Variants in MAN2A1 observed in about 807,000 individuals in gnomAD.
MAN2A1 encodes the protein mannosidase alpha class 2A member 1, also known as alpha-mannosidase 2.
Under a neutral mutation model 142.6 loss-of-function variants are expected in MAN2A1, and 76 were observed. That is an observed-to-expected ratio of 0.53 (90% CI 0.44 to 0.65). The LOEUF is 0.65. Ranked by LOEUF, MAN2A1 falls within the 30% of genes least tolerant of loss-of-function variation. MAN2A1 has a pLI of 0.00. For synonymous variants in MAN2A1, 559 were observed against 473.2 expected, an observed-to-expected ratio of 1.18 and a Z score of -2.35; for missense variants, 1,311 against 1,365.1, an observed-to-expected ratio of 0.96 and a Z score of 0.62.
At chr5:109,785,041 C>A in intron 10 of MAN2A1, 115 bp downstream of exon 10, 2 of 674,840 alleles carry the variant, frequency 3.0e-6, no homozygotes, top group Non-Finnish European at 4.8e-6. Flanking sequence ...CAATGATATC[C>A]CTCATAAGTA....
chr5:109,806,396 G>A (rs1340809772), intron 12 of MAN2A1, among the ~76,000 whole-genome samples: 1 of 152,178 alleles, frequency 6.6e-6, no homozygotes, highest in Non-Finnish European at 1.5e-5. Context: ...GGCTAATTAA[G>A]TGCTAGCTGT....
chr5:109,850,485 G>C (rs1339041718), intron 19 of MAN2A1, among the ~76,000 whole-genome samples: 2 of 152,150 alleles, frequency 1.3e-5, no homozygotes, highest in Non-Finnish European at 2.9e-5. Context: ...AAAAGAATTA[G>C]TATCCACTTT....
At chr5:109,724,417 A>G (rs1344060014) in intron 3 of MAN2A1, among the ~76,000 whole-genome samples, 2 of 152,174 alleles carry the variant, frequency 1.3e-5, no homozygotes, top group African/African-American at 2.4e-5. Context: ...TACCTCTTGA[A>G]TCTAAAATTA....
At chr5:109,771,610 G>C (rs896446656) in intron 7 of MAN2A1, among the ~76,000 whole-genome samples, 3 of 152,204 alleles carry the variant, frequency 2.0e-5, no homozygotes, top group African/African-American at 7.2e-5. Context: ...GAGAACCACT[G>C]AGGAATTCTG....
intron 3 of MAN2A1, among the ~76,000 whole-genome samples, chr5:109,719,326 A>C (rs537524379): frequency 6.6e-6 from 1 of 152,238 alleles, no homozygotes; most frequent in Non-Finnish European, 1.5e-5. Flanking sequence ...GCAAAATGCT[A>C]GAGAGAAGAA....
chr5:109,696,214 C>T (rs974446011), intron 1 of MAN2A1, among the ~76,000 whole-genome samples: 1 of 152,016 alleles, frequency 6.6e-6, no homozygotes, highest in African/African-American at 2.4e-5. Context: ...GATTCTCCTG[C>T]CTCAGCCTCC....
Position 109,711,361 on chromosome 5 carries a change from T to G in MAN2A1, c.136-2159T>G, listed in dbSNP as rs766780732. On this transcript the variant is annotated intron_variant, in intron 1 of 21. Coordinates refer to ENST00000261483, the MANE Select transcript of MAN2A1 (RefSeq NM_002372.4). ...ATTTCAAAAGCTGCAGTCTGTGGTG[T>G]TGTGATAAGTGAAGAAAAGCATTTC... 7.9e-5 allele frequency among the ~76,000 whole-genome samples: 12 copies of G among 152,312 alleles called. No homozygotes were observed. In the Middle Eastern group the frequency reaches 0.01, roughly 130 times the overall value.
chr5:109,807,490 G>A (rs1349559977), intron 12 of MAN2A1, among the ~76,000 whole-genome samples: 4 of 152,116 alleles, frequency 2.6e-5, no homozygotes, highest in Admixed American at 1.3e-4. Flanking sequence ...TCCTTCTGGC[G>A]GCTCTGAGGG....
At chr5:109,845,717 A>G in intron 17 of MAN2A1, 148 bp from the exon 18 acceptor site, 1 of 542,010 alleles carries the variant, frequency 1.8e-6, no homozygotes, top group East Asian at 3.3e-5. Context: ...TGTTTTAAAT[A>G]ATGTTTTAAT....
chr5:109,743,656 G>C (rs1394924086), intron 4 of MAN2A1, among the ~76,000 whole-genome samples: 1 of 152,130 alleles, frequency 6.6e-6, no homozygotes, highest in African/African-American at 2.4e-5. Flanking sequence ...AGTGTCTCCA[G>C]ACTCTGACCC....
At chr5:109,764,578 A>C (rs534016665) in intron 5 of MAN2A1, among the ~76,000 whole-genome samples, 126 of 152,222 alleles carry the variant, frequency 8.3e-4, no homozygotes, top group African/African-American at 2.7e-3. Flanking sequence ...CACTCCTTTC[A>C]TATCAAAGTT....
intron 12 of MAN2A1, among the ~76,000 whole-genome samples, chr5:109,801,616 C>A (rs892429783): frequency 3.9e-5 from 6 of 152,134 alleles, no homozygotes; most frequent in Admixed American, 2.6e-4. Flanking sequence ...AAAGCAGCTA[C>A]CAGATTTTCT....
intron 1 of MAN2A1, among the ~76,000 whole-genome samples, chr5:109,698,236 G>C (rs1040786919): frequency 2.6e-5 from 4 of 152,206 alleles, no homozygotes; most frequent in Non-Finnish European, 5.9e-5. Flanking sequence ...GAACTCAGCC[G>C]GTCTCTGGGA....
chr5:109,807,083 C>T (rs985902192), intron 12 of MAN2A1, among the ~76,000 whole-genome samples: 34 of 152,052 alleles, frequency 2.2e-4, no homozygotes, highest in Admixed American at 1.4e-3. Context: ...GTTACTTAAC[C>T]AGCTAGTAGC....
intron 5 of MAN2A1, among the ~76,000 whole-genome samples, chr5:109,763,772 T>C (rs1490640195): frequency 6.6e-6 from 1 of 152,108 alleles, no homozygotes; most frequent in African/African-American, 2.4e-5. Context: ...AATGTCTGCT[T>C]TTAACTTTAT....
At chr5:109,840,333 C>G in intron 16 of MAN2A1, 2 of 349,046 alleles carry the variant, frequency 5.7e-6, no homozygotes, top group Non-Finnish European at 1.1e-5. Flanking sequence ...TTAATTTCTT[C>G]TTGACATTTT....
chr5:109,835,388 T>C (rs1332497306), intron 16 of MAN2A1, among the ~76,000 whole-genome samples: 2 of 152,174 alleles, frequency 1.3e-5, no homozygotes, highest in Non-Finnish European at 2.9e-5. Flanking sequence ...GATAACAAGG[T>C]TCCCTTTGCC....
chr5:109,734,536 C>G (rs1752026390), intron 4 of MAN2A1, among the ~76,000 whole-genome samples: 1 of 152,122 alleles, frequency 6.6e-6, no homozygotes, highest in Non-Finnish European at 1.5e-5. Flanking sequence ...CTACACACTG[C>G]TTTGAATGTG....
At chr5:109,725,288 G>T (rs1233544486) in intron 3 of MAN2A1, among the ~76,000 whole-genome samples, 1 of 152,218 alleles carries the variant, frequency 6.6e-6, no homozygotes, top group Non-Finnish European at 1.5e-5. Context: ...GAATATGGTG[G>T]TGTGTATGGG....
Sources: allele counts gnomAD v4.1 joint callset (sites outside exome capture counted in the v4.1 genomes callset), GRCh38; gene constraint gnomAD v4.1.1; transcripts MANE v1.5; gene names NCBI Gene and HGNC (gene_info 2026-07-23, HGNC 2026-07-21).